The following POLR1C variants were observed in gnomAD, a reference collection of about 807,000 sequenced individuals.
POLR1C encodes the protein RNA polymerase I and III subunit C.
A neutral mutation model predicts 38.3 loss-of-function variants in POLR1C; 42 were observed. That is an observed-to-expected ratio of 1.10 (90% CI 0.86 to 1.42). POLR1C has a LOEUF of 1.42. POLR1C is among the 40% of genes most tolerant of loss of function. The probability of loss-of-function intolerance (pLI) is 0.00; values close to 1 mark genes in which losing one functional copy is unlikely to be tolerated. For synonymous variants in POLR1C, 163 were observed against 163.9 expected, an observed-to-expected ratio of 0.99 and a Z score of 0.04; for missense variants, 507 against 450.5, an observed-to-expected ratio of 1.13 and a Z score of -1.14.
At chr6:43,560,011 G>A (rs1354836487) in intron 10 of POLR1C, among the ~76,000 whole-genome samples, 1 of 152,194 alleles carries the variant, frequency 6.6e-6, no homozygotes, top group African/African-American at 2.4e-5. Context: ...TAGAGACGAG[G>A]TTTTGCCATG....
intron 10 of POLR1C, chr6:43,551,228 AAAAAT>A: frequency 1.4e-6 from 2 of 1,434,856 alleles, no homozygotes; most frequent in Non-Finnish European, 1.8e-6. Context: ...CTGTCTCCAA[AAAAAT>A]AAAATAAATA....
At chr6:43,523,830 G>A, downstream of POLR1C, 1 of 1,613,886 alleles carries the variant, frequency 6.2e-7, no homozygotes, top group Non-Finnish European at 8.5e-7. Context: ...AAGAAGAGAT[G>A]ACAAGAAAGG....
downstream of POLR1C, chr6:43,530,707 G>A (rs548476558): frequency 1.9e-6 from 3 of 1,614,000 alleles, no homozygotes; most frequent in African/African-American, 4.0e-5. Context: ...GTCTGAGTCG[G>A]TAGTCAGGAA....
chr6:43,535,611 C>T (rs936222632), intron 9 of POLR1C, among the ~76,000 whole-genome samples: 2 of 149,186 alleles, frequency 1.3e-5, no homozygotes, highest in African/African-American at 5.0e-5. Flanking sequence ...GAGATCGAGA[C>T]CATCCTGGGT....
Position 43,520,358 on chromosome 6 carries a change from G to GAT in POLR1C, c.589_590dup (p.Leu198SerfsTer57), listed in dbSNP as rs745324006. Reference sequence around the variant, plus strand: ...GGGCACTATCCGACCAGTGCATGATGATATCCTCATCGCTCAGCTGCGGCC... The same window carrying GAT: ...GGGCACTATCCGACCAGTGCATGATGATATATCCTCATCGCTCAGCTGCGGCC... On this transcript the variant is annotated frameshift_variant, in exon 6 of 9. Transcript: ENST00000642195. LOFTEE classifies it high-confidence loss of function. 1.9e-6 allele frequency: 3 copies of GAT among 1,613,762 alleles called. No homozygotes were observed. In the East Asian group the frequency reaches 6.7e-5, roughly 36 times the overall value.
intron 10 of POLR1C, chr6:43,551,583 G>T: frequency 9.1e-7 from 1 of 1,095,590 alleles, no homozygotes; most frequent in Non-Finnish European, 1.3e-6. Flanking sequence ...AGTGCACAGT[G>T]GCACAATCAT....
At chr6:43,519,082 A>G (rs921767048) in intron 2 of POLR1C, 2 of 541,594 alleles carry the variant, frequency 3.7e-6, no homozygotes, top group Non-Finnish European at 6.6e-6. Context: ...GTTCTTCAGT[A>G]GAATAGCTTC....
intron 10 of POLR1C, among the ~76,000 whole-genome samples, chr6:43,552,707 T>C (rs1221744344): frequency 6.6e-6 from 1 of 152,304 alleles, no homozygotes; most frequent in African/African-American, 2.4e-5. Context: ...CTTTTGTCTA[T>C]TTCTCTATAA....
chr6:43,545,476 G>A (rs1794918378), intron 9 of POLR1C, among the ~76,000 whole-genome samples: 1 of 152,108 alleles, frequency 6.6e-6, no homozygotes, highest in Admixed American at 6.5e-5. Context: ...GGAGGCCGAG[G>A]TGGACTGATC....
At chr6:43,560,115 A>G in intron 10 of POLR1C, 1 of 1,558,298 alleles carries the variant, frequency 6.4e-7, no homozygotes, top group Non-Finnish European at 8.7e-7. Context: ...CACCGCACCC[A>G]GCCTCAAAGT....
In POLR1C at chr6:43,520,682, A is replaced by G. The variant is rs1344953104; in HGVS notation, c.713A>G (p.Asp238Gly). 6.2e-7 allele frequency: 1 copy of G among 1,614,156 alleles called. No homozygotes were observed. Among genetic ancestry groups the G allele is most frequent in the Admixed American group, 1.7e-5 (1 of 60,014 alleles). ...ACAGCCAGTTACAGGCTCCTGCCAGACATCACCCTGCTTGAGCCCGTGGAA... is the reference window on the plus strand; with the variant it reads ...ACAGCCAGTTACAGGCTCCTGCCAGGCATCACCCTGCTTGAGCCCGTGGAA... ...VATASYRLLP[D>G]ITLLEPVEGE... Residue 238 changes from aspartate (D) to glycine (G), a missense_variant, in exon 7 of 9, where the codon GAC (aspartate) becomes GGC (glycine). Transcript: ENST00000642195.
intron 10 of POLR1C, among the ~76,000 whole-genome samples, chr6:43,552,623 G>C (rs1795303612): frequency 6.6e-6 from 1 of 152,244 alleles, no homozygotes; most frequent in Non-Finnish European, 1.5e-5. Flanking sequence ...AAAGTGCTGC[G>C]ATTACAGGCA....
chr6:43,520,300 C>T lies in POLR1C; in HGVS notation c.528C>T (p.Ile176=), dbSNP rs367732777. 2.5e-6 allele frequency: 4 copies of T among 1,612,922 alleles called. No individual in the cohort carries two copies. Among genetic ancestry groups the T allele is most frequent in the Middle Eastern group, 1.6e-4 (1 of 6,062 alleles). ...TGTATACCAGGCATATGACATGGATCCCCCTGGGGAACCAGGCTGATCTCT... is the reference window on the plus strand; with the variant it reads ...TGTATACCAGGCATATGACATGGATTCCCCTGGGGAACCAGGCTGATCTCT... ...HKVYTRHMTW[I]PLGNQADLFP... Residue 176 remains isoleucine, a synonymous_variant, in exon 6 of 9, where the codon ATC becomes ATT. Transcript: ENST00000642195.
chr6:43,554,832 C>T (rs981371489), intron 10 of POLR1C: 1 of 152,084 alleles, frequency 6.6e-6, no homozygotes, highest in African/African-American at 2.4e-5. Context: ...TACCAAATAT[C>T]AGAGAATTTA....
At chr6:43,538,497 G>A (rs1040103846) in intron 9 of POLR1C, among the ~76,000 whole-genome samples, 1 of 151,998 alleles carries the variant, frequency 6.6e-6, no homozygotes, top group African/African-American at 2.4e-5. Flanking sequence ...ACCTTGTGTG[G>A]ATAAACAGAA....
At chr6:43,527,114 T>C (rs1411964224) in intron 8 of POLR1C, 1 of 238,354 alleles carries the variant, frequency 4.2e-6, no homozygotes, top group African/African-American at 2.2e-5. Flanking sequence ...TTTCCCTATT[T>C]TGACAAAACT....
chr6:43,529,288 A>G (rs1472576148), exon 9 of POLR1C: 1 of 1,279,518 alleles, frequency 7.8e-7, no homozygotes, highest in Non-Finnish European at 1.1e-6. Flanking sequence ...CACACCTGTA[A>G]TCCCAGCACT....
intron 9 of POLR1C, among the ~76,000 whole-genome samples, chr6:43,535,197 T>C (rs1317513175): frequency 1.3e-5 from 2 of 150,802 alleles, no homozygotes; most frequent in African/African-American, 4.9e-5. Flanking sequence ...GAGGCTGAGC[T>C]TGCAGTGAGC....
chr6:43,538,955 T>C (rs1254937747), intron 9 of POLR1C: 4 of 1,356,722 alleles, frequency 2.9e-6, no homozygotes, highest in East Asian at 4.6e-5. Context: ...GGGGGTCAGG[T>C]AGCTGTAGGT....
Sources: allele counts gnomAD v4.1 joint callset (sites outside exome capture counted in the v4.1 genomes callset), GRCh38; gene constraint gnomAD v4.1.1; transcripts MANE v1.5; gene names NCBI Gene and HGNC (gene_info 2026-07-23, HGNC 2026-07-21).